Variants in LRP1B observed in about 807,000 individuals in gnomAD.
LRP1B encodes the protein LDL receptor related protein 1B.
A neutral mutation model predicts 556.6 loss-of-function variants in LRP1B; 217 were observed. That is an observed-to-expected ratio of 0.39 (90% CI 0.35 to 0.44). LRP1B has a LOEUF of 0.44. LRP1B is among the 20% of genes least tolerant of loss of function. The pLI, the probability that LRP1B is intolerant of heterozygous loss-of-function variation, is 1.00. For missense variants in LRP1B, 5,053 were observed against 5,620.8 expected (o/e 0.90, Z 3.23); for synonymous variants, 2,047 against 1,865.8 (o/e 1.10, Z -2.50).
intron 66 of LRP1B, among the ~76,000 whole-genome samples, chr2:140,436,003 A>C (rs968255275): frequency 3.9e-5 from 6 of 152,074 alleles, no homozygotes; most frequent in East Asian, 3.9e-4. Flanking sequence ...ACACACACAC[A>C]CCCAAATATA....
intron 41 of LRP1B, among the ~76,000 whole-genome samples, chr2:140,678,147 G>T (rs554869246): frequency 6.6e-6 from 1 of 152,188 alleles, no homozygotes; most frequent in East Asian, 1.9e-4. Flanking sequence ...TTCTGCAAGT[G>T]GAAGTGAGGC....
At position 140,534,043 on chromosome 2, in the gene LRP1B, G is replaced by C. The variant is rs2104994449; in HGVS notation, c.7740C>G (p.Asn2580Lys). 2 of 1,613,528 alleles carry C rather than the reference G, an allele frequency of 1.2e-6. No individual in the cohort carries two copies. The highest frequency in any genetic ancestry group is 2.2e-5 in the East Asian group (1 of 44,846). The part of the protein sequence containing the change: ...LCDGENDCGD[N>K]SDELDCKVST... ...TACCTTTACAATCTAATTCATCAGAGTTGTCTCCGCAGTCATTTTCTCCAT... is the reference window on the plus strand; with the variant it reads ...TACCTTTACAATCTAATTCATCAGACTTGTCTCCGCAGTCATTTTCTCCAT... The change falls in exon 47 of 91, where the codon AAC (asparagine) becomes AAG (lysine). Residue 2580 changes from asparagine (N) to lysine (K), a missense_variant. Coordinates refer to ENST00000389484, the MANE Select transcript of LRP1B (RefSeq NM_018557.3).
At chr2:140,935,317 A>G (rs1034812578) in intron 20 of LRP1B, among the ~76,000 whole-genome samples, 9 of 152,128 alleles carry the variant, frequency 5.9e-5, no homozygotes, top group African/African-American at 1.7e-4. Flanking sequence ...ATACCAAAAG[A>G]TATTTTGATA....
At chr2:140,375,937 TATC>T (rs1328295051) in intron 68 of LRP1B, among the ~76,000 whole-genome samples, 1 of 152,100 alleles carries the variant, frequency 6.6e-6, no homozygotes, top group Admixed American at 6.6e-5. Flanking sequence ...TACAGAAACT[TATC>T]TTCACAATTC....
At position 141,371,132 on chromosome 2, in the gene LRP1B, C is replaced by T. The variant is rs1689217268; in HGVS notation, c.343+109264G>A. ...CTGAGTAGCTGGGATTACAGGCATGCACCACCACGCCAGGTACATTTTTGT... is the reference window on the plus strand; with the variant it reads ...CTGAGTAGCTGGGATTACAGGCATGTACCACCACGCCAGGTACATTTTTGT... On this transcript the variant is annotated intron_variant, in intron 3 of 90. Coordinates refer to ENST00000389484, the MANE Select transcript of LRP1B (RefSeq NM_018557.3). 2.0e-5 allele frequency among the ~76,000 whole-genome samples: 3 copies of T among 152,046 alleles called. No individual in the cohort carries two copies. In the South Asian group the frequency reaches 6.2e-4, roughly 32 times the overall value.
At chr2:141,077,184 G>T (rs183223423) in intron 7 of LRP1B, among the ~76,000 whole-genome samples, 1 of 152,266 alleles carries the variant, frequency 6.6e-6, no homozygotes, top group South Asian at 2.1e-4. Flanking sequence ...GGAAGTGGAG[G>T]TTGCAGTGAG....
chr2:140,385,858 C>A, intron 67 of LRP1B, 35 bp downstream of exon 67: 1 of 1,443,988 alleles, frequency 6.9e-7, no homozygotes, highest in South Asian at 1.1e-5. Flanking sequence ...AATGGGCTGT[C>A]AAGCTCAAAA....
chr2:141,878,746 A>G (rs1449831482), intron 1 of LRP1B, among the ~76,000 whole-genome samples: 10 of 152,048 alleles, frequency 6.6e-5, no homozygotes, highest in Non-Finnish European at 1.5e-5. Flanking sequence ...TCTAAATTTC[A>G]AGTAATGAAC....
At chr2:141,169,230 G>A (rs907405380) in intron 7 of LRP1B, among the ~76,000 whole-genome samples, 6 of 151,302 alleles carry the variant, frequency 4.0e-5, no homozygotes, top group Non-Finnish European at 8.8e-5. Flanking sequence ...AGGTTGCAGT[G>A]AGCCGAGATC....
At chr2:141,714,324 T>A (rs948514877) in intron 2 of LRP1B, among the ~76,000 whole-genome samples, 2 of 152,172 alleles carry the variant, frequency 1.3e-5, no homozygotes, top group African/African-American at 4.8e-5. Context: ...CAATGAATGC[T>A]ATTGCTGCTA....
At chr2:140,640,152 G>A (rs1432105996) in intron 41 of LRP1B, among the ~76,000 whole-genome samples, 1 of 151,188 alleles carries the variant, frequency 6.6e-6, no homozygotes, top group African/African-American at 2.4e-5. Context: ...ACGGGCGCCC[G>A]CCACCTCGCC....
chr2:140,421,613 G>A (rs905583811), intron 66 of LRP1B, among the ~76,000 whole-genome samples: 2 of 152,098 alleles, frequency 1.3e-5, no homozygotes, highest in African/African-American at 4.8e-5. Flanking sequence ...ATGGGTGTTT[G>A]GGTCCATATC....
chr2:141,278,828 C>T lies in LRP1B; in HGVS notation c.344-24187G>A, dbSNP rs571974267. Among the ~76,000 whole-genome samples, 326 of 152,212 alleles carry T rather than the reference C, an allele frequency of 2.1e-3. 1 individual carries two copies. The highest frequency in any genetic ancestry group is 6.8e-3 in the Middle Eastern group (2 of 294). Reference sequence around the variant, plus strand: ...ATCCAGGGAAGGCTGAGTTGATACCCTTTCCTTAATTTTACTTCTTGCCCT... The same window carrying T: ...ATCCAGGGAAGGCTGAGTTGATACCTTTTCCTTAATTTTACTTCTTGCCCT... On this transcript the variant is annotated intron_variant, in intron 3 of 90. Transcript: ENST00000389484.
intron 66 of LRP1B, among the ~76,000 whole-genome samples, chr2:140,386,788 T>G (rs1294990660): frequency 6.6e-6 from 1 of 152,212 alleles, no homozygotes; most frequent in Non-Finnish European, 1.5e-5. Context: ...TACATCTATA[T>G]CAGCCAGAAT....
At chr2:141,316,213 C>T (rs1479483749) in intron 3 of LRP1B, among the ~76,000 whole-genome samples, 2 of 151,990 alleles carry the variant, frequency 1.3e-5, no homozygotes, top group Non-Finnish European at 2.9e-5. Context: ...AAGTAAAGTG[C>T]TTTTGATTAC....
At chr2:141,136,522 C>T (rs147023275) in intron 7 of LRP1B, among the ~76,000 whole-genome samples, 228 of 151,078 alleles carry the variant, frequency 1.5e-3, no homozygotes, top group Middle Eastern at 6.8e-3. Flanking sequence ...TATTTCCTTT[C>T]CTGCTTTAAT....
At chr2:140,997,254 T>C (rs1039517675) in intron 15 of LRP1B, among the ~76,000 whole-genome samples, 14 of 152,078 alleles carry the variant, frequency 9.2e-5, no homozygotes, top group African/African-American at 3.4e-4. Context: ...GGCCTATGCA[T>C]GAATCTCCAA....
chr2:141,967,615 C>T lies in LRP1B; in HGVS notation c.83-157214G>A, dbSNP rs192433148. 1.4e-3 allele frequency among the ~76,000 whole-genome samples: 211 copies of T among 151,820 alleles called. 1 individual carries two copies. Among genetic ancestry groups the T allele is most frequent in the African/African-American group, 5.0e-3 (209 of 41,474 alleles). ...AATTAGACAGTCAGAGAGGGAGGCA[C>T]TATTTAAACTATTGGTAGGAGATGA... On this transcript the variant is annotated intron_variant, in intron 1 of 90. Transcript: ENST00000389484.
At chr2:140,502,304 T>C (rs10205356) in intron 54 of LRP1B, among the ~76,000 whole-genome samples, 6,870 of 152,046 alleles carry the variant, frequency 0.045, 392 homozygotes, top group African/African-American at 0.14. Flanking sequence ...CCTGGAAATA[T>C]AACATTGACA....
Sources: gnomAD v4.1 joint callset for allele counts (sites outside exome capture counted in the v4.1 genomes callset) on GRCh38, gnomAD v4.1.1 for gene constraint, MANE v1.5 for transcripts, NCBI Gene and HGNC (gene_info 2026-07-23, HGNC 2026-07-21) for gene names.